The following FYB2 variants were observed in gnomAD, a reference collection of about 807,000 sequenced individuals.
The protein encoded by FYB2 is FYN-binding protein 2.
FYB2 carries 103 observed loss-of-function variants against 94.1 expected under a neutral mutation model. The observed-to-expected ratio is 1.09, with a 90% CI of 0.93 to 1.29. FYB2 has a LOEUF of 1.29. FYB2 is among the 50% of genes most tolerant of loss of function. The probability of loss-of-function intolerance (pLI) is 0.00; values close to 1 mark genes in which losing one functional copy is unlikely to be tolerated. For missense variants in FYB2, 896 were observed against 841.5 expected (o/e 1.06, Z -0.80); for synonymous variants, 293 against 287.9 (o/e 1.02, Z -0.18).
intron 4 of FYB2, among the ~76,000 whole-genome samples, chr1:56,782,620 C>T (rs1324580887): frequency 9.9e-5 from 15 of 151,862 alleles, no homozygotes; most frequent in African/African-American, 3.4e-4. Flanking sequence ...CGGAAAGATT[C>T]AAAATAAGCT....
intron 1 of FYB2, 110 bp from the exon 2 acceptor site, chr1:56,792,913 T>A: frequency 2.4e-5 from 26 of 1,099,168 alleles, no homozygotes; most frequent in Non-Finnish European, 2.7e-5. Context: ...TGATTAGATC[T>A]CACTGATCTC....
At chr1:56,803,618 T>C (rs1646571000) in intron 1 of FYB2, among the ~76,000 whole-genome samples, 1 of 152,186 alleles carries the variant, frequency 6.6e-6, no homozygotes, top group African/African-American at 2.4e-5. Flanking sequence ...AAAATGTCAC[T>C]CCATTTAAAA....
intron 1 of FYB2, among the ~76,000 whole-genome samples, chr1:56,816,128 G>A (rs1381052555): frequency 6.6e-6 from 1 of 152,222 alleles, no homozygotes; most frequent in Non-Finnish European, 1.5e-5. Flanking sequence ...CCAAAACTGA[G>A]TGGCCTAAAA....
intron 1 of FYB2, among the ~76,000 whole-genome samples, chr1:56,808,206 C>T (rs1342504489): frequency 6.6e-6 from 1 of 152,064 alleles, no homozygotes; most frequent in East Asian, 1.9e-4. Context: ...GAAATTAAAG[C>T]TGGAGGGTTC....
intron 15 of FYB2, among the ~76,000 whole-genome samples, chr1:56,734,293 A>G (rs1644780154): frequency 6.6e-6 from 1 of 151,528 alleles, no homozygotes; most frequent in South Asian, 2.1e-4. Flanking sequence ...CTTTATTTTG[A>G]TCCTATGTGT....
intron 4 of FYB2, among the ~76,000 whole-genome samples, chr1:56,786,118 A>G (rs1469123519): frequency 2.0e-5 from 3 of 152,118 alleles, no homozygotes; most frequent in African/African-American, 7.2e-5. Context: ...ACAATCCTAG[A>G]TCAGCCAACT....
At chr1:56,803,203 A>ATCAAACAT (rs1194612762) in intron 1 of FYB2, among the ~76,000 whole-genome samples, 6 of 152,224 alleles carry the variant, frequency 3.9e-5, no homozygotes, top group African/African-American at 1.4e-4. Flanking sequence ...GCATGCTGTG[A>ATCAAACAT]TCAAACATGT....
intron 1 of FYB2, among the ~76,000 whole-genome samples, chr1:56,796,894 G>A (rs1646413154): frequency 6.6e-6 from 1 of 152,058 alleles, no homozygotes; most frequent in Non-Finnish European, 1.5e-5. Context: ...AATATTTGTT[G>A]GTTGCCTACT....
chr1:56,825,048 C>T, the FYB2 span: 1 of 152,252 alleles, frequency 6.6e-6, no homozygotes, highest in African/African-American at 2.4e-5. Context: ...GCTACTCAAG[C>T]CACAGGGGAA....
At chr1:56,795,378 C>T (rs372914690) in intron 1 of FYB2, among the ~76,000 whole-genome samples, 44 of 152,174 alleles carry the variant, frequency 2.9e-4, no homozygotes, top group African/African-American at 9.6e-4. Context: ...TCCATTCATC[C>T]GTCAATGGAG....
At chr1:56,769,095 G>A (rs1476606413) in intron 4 of FYB2, among the ~76,000 whole-genome samples, 1 of 152,096 alleles carries the variant, frequency 6.6e-6, no homozygotes, top group Non-Finnish European at 1.5e-5. Context: ...CTGGAGTACA[G>A]TGGCGCAATC....
chr1:56,791,816 G>A (rs367755144), intron 2 of FYB2, among the ~76,000 whole-genome samples: 2 of 152,132 alleles, frequency 1.3e-5, no homozygotes, highest in Non-Finnish European at 2.9e-5. Context: ...GTCAGAAGTC[G>A]AGCTAGGATT....
rs916132802 is a variant in FYB2 at position 56,751,083 on chromosome 1, G to A, written c.1348C>T (p.Pro450Ser). The change falls in exon 9 of 20, where the codon CCT (proline) becomes TCT (serine). Residue 450 changes from proline (P) to serine (S), a missense_variant. By Grantham distance (74) the Pro-to-Ser change is moderately conservative. Coordinates refer to ENST00000343433, the MANE Select transcript of FYB2 (RefSeq NM_001004303.5). Reference sequence around the variant, plus strand: ...TGCCTGGCCAGCTTTGGGCCCTCAGGGCAGGGATTTGTCTGGATGATGTCA... The same window carrying A: ...TGCCTGGCCAGCTTTGGGCCCTCAGAGCAGGGATTTGTCTGGATGATGTCA... ...MIDIIQTNPC[P>S]EGPKLARHSQ... 4.3e-6 allele frequency: 7 copies of A among 1,612,788 alleles called. No homozygotes were observed. Among genetic ancestry groups the A allele is most frequent in the Non-Finnish European group, 5.9e-6 (7 of 1,179,210 alleles).
At chr1:56,798,886 A>G (rs991960695) in intron 1 of FYB2, among the ~76,000 whole-genome samples, 1 of 152,190 alleles carries the variant, frequency 6.6e-6, no homozygotes, top group African/African-American at 2.4e-5. Context: ...TCTATTCTGG[A>G]ATCCTCTAAC....
At chr1:56,783,260 G>A (rs1738413) in intron 4 of FYB2, among the ~76,000 whole-genome samples, 117,127 of 152,060 alleles carry the variant, frequency 0.77, 46,203 homozygotes, top group East Asian at 0.96. Context: ...TGTGTGTATC[G>A]AAGATCTGAG....
intron 1 of FYB2, among the ~76,000 whole-genome samples, chr1:56,793,538 A>G (rs1227243589): frequency 1.3e-5 from 2 of 152,176 alleles, no homozygotes; most frequent in Non-Finnish European, 2.9e-5. Context: ...GTACACATGG[A>G]CATAAAGATG....
intron 4 of FYB2, among the ~76,000 whole-genome samples, chr1:56,785,448 C>T (rs1175347899): frequency 6.6e-6 from 1 of 152,222 alleles, no homozygotes; most frequent in Non-Finnish European, 1.5e-5. Flanking sequence ...CTCTCTTTCA[C>T]ATAAATACGC....
intron 5 of FYB2, among the ~76,000 whole-genome samples, chr1:56,763,236 C>T (rs1294784266): frequency 2.6e-5 from 4 of 152,032 alleles, no homozygotes; most frequent in Non-Finnish European, 5.9e-5. Context: ...TTTTGTACTG[C>T]CTTTGTCTAG....
chr1:56,774,772 A>G (rs529655188), intron 4 of FYB2, among the ~76,000 whole-genome samples: 1 of 152,074 alleles, frequency 6.6e-6, no homozygotes, highest in African/African-American at 2.4e-5. Flanking sequence ...ATGGACTGGG[A>G]GAGGAAGACC....
Sources: gnomAD v4.1 joint callset for allele counts (sites outside exome capture counted in the v4.1 genomes callset) on GRCh38, gnomAD v4.1.1 for gene constraint, MANE v1.5 for transcripts, NCBI Gene and HGNC (gene_info 2026-07-23, HGNC 2026-07-21) for gene names.